TTC28: variants seen among roughly 807,000 people sequenced by gnomAD.
The protein encoded by TTC28 is tetratricopeptide repeat protein 28.
TTC28 carries 61 observed loss-of-function variants against 198.0 expected under a neutral mutation model. The observed-to-expected ratio is 0.31, with a 90% CI of 0.25 to 0.38. TTC28 has a LOEUF of 0.38. Ranked by LOEUF, TTC28 falls within the 10% of genes least tolerant of loss-of-function variation. TTC28 has a pLI of 1.00. For synonymous variants in TTC28, 1,171 were observed against 1,297.8 expected, an observed-to-expected ratio of 0.90 and a Z score of 2.10; for missense variants, 2,678 against 3,164.0, an observed-to-expected ratio of 0.85 and a Z score of 3.69.
At chr22:28,468,195 A>T (rs1230495689) in intron 2 of TTC28, among the ~76,000 whole-genome samples, 1 of 152,154 alleles carries the variant, frequency 6.6e-6, no homozygotes, top group Non-Finnish European at 1.5e-5. Context: ...GGCAATGAAC[A>T]CAATCCTCTC....
At chr22:28,497,053 T>C (rs924890265) in intron 2 of TTC28, among the ~76,000 whole-genome samples, 8 of 152,322 alleles carry the variant, frequency 5.3e-5, no homozygotes, top group Admixed American at 3.3e-4. Context: ...TCCTCCCTAA[T>C]GACCCTATTT....
chr22:28,083,550 T>C (rs1052889607), intron 12 of TTC28, among the ~76,000 whole-genome samples: 5 of 152,226 alleles, frequency 3.3e-5, no homozygotes, highest in East Asian at 1.9e-4. Flanking sequence ...GATGGCCGAA[T>C]AGGAACAGCT....
chr22:28,510,396 A>C (rs889743380), intron 2 of TTC28, among the ~76,000 whole-genome samples: 7 of 152,230 alleles, frequency 4.6e-5, no homozygotes, highest in Admixed American at 3.9e-4. Flanking sequence ...TTCATCACAT[A>C]AACAGAACTG....
intron 2 of TTC28, among the ~76,000 whole-genome samples, chr22:28,336,624 G>A (rs912430200): frequency 7.9e-5 from 12 of 151,800 alleles, no homozygotes; most frequent in South Asian, 4.2e-4. Flanking sequence ...GTTTATTTGC[G>A]TAGAGGTGGT....
intron 5 of TTC28, among the ~76,000 whole-genome samples, chr22:28,263,315 A>C (rs1931451703): frequency 6.6e-6 from 1 of 152,174 alleles, no homozygotes; most frequent in Non-Finnish European, 1.5e-5. Context: ...AAAGGTTTAG[A>C]GAGATTGAGC....
At chr22:27,983,977 A>G (rs188915970) in intron 22 of TTC28, 126 bp from the exon 23 acceptor site, 69 of 1,017,114 alleles carry the variant, frequency 6.8e-5, no homozygotes, top group Admixed American at 2.4e-4. Context: ...AGCTACTCAT[A>G]TTAATCTTAC....
chr22:28,293,671 T>C (rs560521751), intron 5 of TTC28, among the ~76,000 whole-genome samples: 2 of 152,284 alleles, frequency 1.3e-5, no homozygotes, highest in South Asian at 2.1e-4. Flanking sequence ...ATGCTTACTA[T>C]GTATCAGATA....
intron 1 of TTC28, among the ~76,000 whole-genome samples, chr22:28,644,818 G>A (rs1265035604): frequency 1.3e-5 from 2 of 151,958 alleles, no homozygotes; most frequent in Non-Finnish European, 2.9e-5. Context: ...GTGAGAACCT[G>A]TCTCAAAAAT....
In TTC28 at chr22:28,468,180, T is replaced by C. The variant is rs73882762; in HGVS notation, c.381+161372A>G. 8.2e-3 allele frequency among the ~76,000 whole-genome samples: 1,244 copies of C among 152,124 alleles called. 20 individuals carry two copies. The highest frequency in any genetic ancestry group is 0.028 in the African/African-American group (1,182 of 41,518). The stretch of plus-strand genomic sequence containing the variant: ...CATCCTCAAAGAATGTGAGCATGGT[T>C]TGGGGGCAATGAACACAATCCTCTC... On this transcript the variant is annotated intron_variant, in intron 2 of 22. Transcript: ENST00000397906.
intron 2 of TTC28, among the ~76,000 whole-genome samples, chr22:28,485,112 A>G (rs1433758437): frequency 2.0e-5 from 3 of 152,174 alleles, no homozygotes; most frequent in Non-Finnish European, 4.4e-5. Flanking sequence ...TAATCTACAT[A>G]GAGTCAACAC....
At chr22:27,998,394 C>T (rs1018681101) in intron 16 of TTC28, 146 bp downstream of exon 16, 2 of 1,324,372 alleles carry the variant, frequency 1.5e-6, no homozygotes, top group African/African-American at 3.0e-5. Context: ...AAGCAAGACT[C>T]AGCACACAGG....
At chr22:28,257,255 T>G (rs1340282733) in intron 5 of TTC28, among the ~76,000 whole-genome samples, 1 of 152,068 alleles carries the variant, frequency 6.6e-6, no homozygotes, top group African/African-American at 2.4e-5. Context: ...ATTGGGTATA[T>G]ATCCAAAAGA....
chr22:28,234,875 G>A (rs1929114557), intron 5 of TTC28, among the ~76,000 whole-genome samples: 1 of 152,182 alleles, frequency 6.6e-6, no homozygotes, highest in Non-Finnish European at 1.5e-5. Flanking sequence ...CAGTGGGAAT[G>A]TGAGCTTATA....
chr22:28,221,915 T>C (rs1927901237), intron 5 of TTC28, among the ~76,000 whole-genome samples: 1 of 152,198 alleles, frequency 6.6e-6, no homozygotes, highest in South Asian at 2.1e-4. Flanking sequence ...TCCATTCAAC[T>C]TTGTATCCTT....
intron 1 of TTC28, among the ~76,000 whole-genome samples, chr22:28,657,833 C>G (rs1031329927): frequency 7.2e-5 from 11 of 152,030 alleles, no homozygotes; most frequent in Admixed American, 5.9e-4. Context: ...GAGCTGAAAT[C>G]ACACCACTGC....
chr22:27,985,461 G>A, intron 21 of TTC28, 105 bp from the exon 22 acceptor site: 1 of 896,520 alleles, frequency 1.1e-6, no homozygotes, highest in East Asian at 2.8e-5. Context: ...ATGCCTGCAA[G>A]GCCCTTCAGC....
intron 6 of TTC28, among the ~76,000 whole-genome samples, chr22:28,143,716 T>C (rs910752333): frequency 1.3e-5 from 2 of 152,088 alleles, no homozygotes; most frequent in Non-Finnish European, 2.9e-5. Context: ...ACAAACATAT[T>C]TAGAAGAAAA....
intron 6 of TTC28, among the ~76,000 whole-genome samples, chr22:28,139,820 T>C (rs1943287334): frequency 6.6e-6 from 1 of 152,068 alleles, no homozygotes; most frequent in Non-Finnish European, 1.5e-5. Flanking sequence ...CTTTCCCCTC[T>C]GAAGTGCCAT....
At chr22:28,626,698 G>A (rs1461002300) in intron 2 of TTC28, among the ~76,000 whole-genome samples, 1 of 151,856 alleles carries the variant, frequency 6.6e-6, no homozygotes, top group Non-Finnish European at 1.5e-5. Flanking sequence ...AACCTTTTGT[G>A]ATTTCAATTT....
Sources: allele counts gnomAD v4.1 joint callset (sites outside exome capture counted in the v4.1 genomes callset), GRCh38; gene constraint gnomAD v4.1.1; transcripts MANE v1.5; gene names NCBI Gene and HGNC (gene_info 2026-07-23, HGNC 2026-07-21).